MGAM2: variants seen among roughly 807,000 people sequenced by gnomAD.
MGAM2 encodes the protein probable maltase-glucoamylase 2.
Under a neutral mutation model 96.1 loss-of-function variants are expected in MGAM2, and 98 were observed. The ratio of observed to expected loss-of-function variants is 1.02; its 90% CI spans 0.87 to 1.21. The LOEUF (loss-of-function observed/expected upper bound fraction) is 1.21. MGAM2 is among the 50% of genes most tolerant of loss of function. The pLI is 0.00. For synonymous variants in MGAM2, 749 were observed against 414.8 expected (o/e 1.81, Z -9.79); for missense variants, 2,055 against 1,182.4 (o/e 1.74, Z -10.82).
rs180766195 is a variant in MGAM2 at position 142,141,181 on chromosome 7, G to A, written c.1317+62G>A. 110 of 672,532 alleles carry A rather than the reference G, an allele frequency of 1.6e-4. 1 individual carries two copies. The Middle Eastern group carries it at 0.01, about 61-fold the overall frequency. The allele number at this position is 672,532 out of a possible 1,614,324, so 41.7% of individuals were successfully genotyped here. On this transcript the variant is annotated intron_variant, in intron 12 of 47. Coordinates refer to ENST00000477922, the MANE Select transcript of MGAM2 (RefSeq NM_001293626.2). ...TTTTGGGGAGTTGTACTTTTGGTAC[G>A]AAGATGAGTGAAAGGCAAGTTACAA... is the stretch of plus-strand genomic sequence containing the variant.
At chr7:142,200,039 C>A in intron 45 of MGAM2, 71 bp downstream of exon 45, 1 of 559,356 alleles carries the variant, frequency 1.8e-6, no homozygotes, top group Non-Finnish European at 3.2e-6. Flanking sequence ...CGGCATATAA[C>A]TAACATGAAC....
intron 32 of MGAM2, 59 bp from the exon 33 acceptor site, chr7:142,183,207 G>A: frequency 1.5e-6 from 1 of 665,124 alleles, no homozygotes; most frequent in South Asian, 1.6e-5. Context: ...AATTTTTGGA[G>A]AGAAATTTTC....
intron 1 of MGAM2, among the ~76,000 whole-genome samples, chr7:142,114,210 GAAAGAGAGAA>G (rs1563242762): frequency 1.4e-5 from 2 of 138,856 alleles, no homozygotes; most frequent in Non-Finnish European, 3.1e-5. Flanking sequence ...AAGAAAGAAA[GAAAGAGAGAA>G]AGAAAGAAAG....
Position 142,220,145 on chromosome 7 carries a change from T to C in MGAM2, c.5634T>C (p.Pro1878=). The C allele has an allele frequency of 8.5e-6, 6 of 702,804 alleles. No homozygotes were observed. Among genetic ancestry groups the C allele is most frequent in the Non-Finnish European group, 1.6e-5 (6 of 384,914 alleles). 43.5% of individuals were successfully genotyped at this position (702,804 alleles called of 1,614,324 possible). Residue 1878 remains proline, a synonymous_variant, in exon 48 of 48, where the codon CCT becomes CCC. Coordinates refer to ENST00000477922, the MANE Select transcript of MGAM2 (RefSeq NM_001293626.2). ...GTGTTACAACTAATACTACTGTTCC[T>C]GATACAACTTCTCCTTTCCCTACAA... is the stretch of plus-strand genomic sequence containing the variant. The part of the protein sequence containing the change: ...TTSVTTNTTV[P]DTTSPFPTST...
intron 42 of MGAM2, 91 bp from the exon 43 acceptor site, chr7:142,198,048 A>AT: frequency 6.1e-6 from 4 of 650,412 alleles, no homozygotes; most frequent in Non-Finnish European, 8.4e-6. Context: ...TACAATTTTC[A>AT]TTTTTTATCT....
At position 142,215,399 on chromosome 7, in the gene MGAM2, T is replaced by C. The variant is rs559712511; in HGVS notation, c.5188-2962T>C. Reference sequence around the variant, plus strand: ...ATGCAGCAAACCACCATGGCACATGTATACCTATGTAACAAACCTGCATGT... The same window carrying C: ...ATGCAGCAAACCACCATGGCACATGCATACCTATGTAACAAACCTGCATGT... On this transcript the variant is annotated intron_variant, in intron 46 of 47. Coordinates refer to ENST00000477922, the MANE Select transcript of MGAM2 (RefSeq NM_001293626.2). Among the ~76,000 whole-genome samples the C allele has an allele frequency of 5.3e-5, 8 of 151,746 alleles. No individual in the cohort carries two copies. The South Asian group carries it at 1.7e-3, about 32-fold the overall frequency.
chr7:142,161,330 C>A, intron 22 of MGAM2, 117 bp downstream of exon 22: 1 of 536,890 alleles, frequency 1.9e-6, no homozygotes, highest in South Asian at 2.8e-5. Context: ...ACATCTGTAG[C>A]TGAGAATCAA....
In MGAM2 at chr7:142,114,167, AAAG is replaced by A. The variant is rs557404035; in HGVS notation, c.-1+2363_-1+2365del. Among the ~76,000 whole-genome samples the A allele has an allele frequency of 5.5e-5, 6 of 109,568 alleles. 1 individual carries two copies. The Middle Eastern group carries it at 0.012, about 225-fold the overall frequency. The allele number at this position is 109,568 out of a possible 152,430, so 71.9% of individuals were successfully genotyped here. On this transcript the variant is annotated intron_variant, in intron 1 of 47. Coordinates refer to ENST00000477922, the MANE Select transcript of MGAM2 (RefSeq NM_001293626.2). Reference sequence around the variant, plus strand: ...GAAAGAAAGAAGGAAAGAAAGAAAGAAAGAAAGAAAGAAAGAAAGAAAGAAAGA... The same window carrying A: ...GAAAGAAAGAAGGAAAGAAAGAAAGAAAAGAAAGAAAGAAAGAAAGAAAGA...
chr7:142,118,429 T>C (rs148905724), intron 2 of MGAM2, among the ~76,000 whole-genome samples: 87 of 152,276 alleles, frequency 5.7e-4, no homozygotes, highest in African/African-American at 2.0e-3. Context: ...AGTGAATATA[T>C]TTGGGGGCTT....
intron 40 of MGAM2, 56 bp from the exon 41 acceptor site, chr7:142,197,344 C>A: frequency 1.5e-6 from 1 of 684,530 alleles, no homozygotes. Context: ...TTTTCTGATG[C>A]CACTGGGATG....
At chr7:142,169,716 G>GCACACACA (rs144134032) in intron 26 of MGAM2, among the ~76,000 whole-genome samples, 1 of 150,936 alleles carries the variant, frequency 6.6e-6, no homozygotes. Context: ...TAACATGCAT[G>GCACACACA]CACACACACA....
In MGAM2 at chr7:142,171,225, T is replaced by A. The variant is rs750365588; in HGVS notation, c.3183-47T>A. 1.7e-5 allele frequency: 12 copies of A among 701,136 alleles called. No individual in the cohort carries two copies. The South Asian group carries it at 1.8e-4, about 10-fold the overall frequency. The allele number at this position is 701,136 out of a possible 1,614,324, so 43.4% of individuals were successfully genotyped here. On this transcript the variant is annotated intron_variant, in intron 27 of 47. Transcript: ENST00000477922. ...ACATTCCAAACACGTTCCAAGTAGC[T>A]CTGGCCAGTGGTCTCCAGCTCAGCG...
rs550974689 is a variant in MGAM2 at position 142,148,787 on chromosome 7, T to C, written c.1634+1214T>C. ...TTCTTTCCCCCTGTTTTGGTGTTTC[T>C]AGAGCACTGTTGTGCTCTACAAGAC... On this transcript the variant is annotated intron_variant, in intron 15 of 47. Transcript: ENST00000477922. The surrounding 1 kb of genome is among the most constrained non-coding windows in gnomAD (Gnocchi z 4.2). Among the ~76,000 whole-genome samples, 247 of 152,302 alleles carry C rather than the reference T, an allele frequency of 1.6e-3. 2 individuals carry two copies. The highest frequency in any genetic ancestry group is 2.2e-4 in the Non-Finnish European group (15 of 68,024).
intron 1 of MGAM2, among the ~76,000 whole-genome samples, chr7:142,115,321 C>T (rs1817351093): frequency 6.6e-6 from 1 of 152,246 alleles, no homozygotes; most frequent in Admixed American, 6.5e-5. Context: ...GCCTCGGTGG[C>T]ATCTCCCTTG....
At chr7:142,135,632 G>C (rs1359743519) in intron 7 of MGAM2, among the ~76,000 whole-genome samples, 1 of 151,458 alleles carries the variant, frequency 6.6e-6, no homozygotes, top group Non-Finnish European at 1.5e-5. Context: ...CTTATGCTTT[G>C]GCTAAGATGA....
chr7:142,164,778 G>T, intron 23 of MGAM2, 78 bp from the exon 24 acceptor site: 1 of 565,566 alleles, frequency 1.8e-6, no homozygotes, highest in Non-Finnish European at 3.1e-6. Flanking sequence ...CACAGAAATT[G>T]AGACATTGAC....
At chr7:142,121,799 AATTAT>A (rs534887470) in intron 3 of MGAM2, among the ~76,000 whole-genome samples, 133 of 151,760 alleles carry the variant, frequency 8.8e-4, no homozygotes, top group Non-Finnish European at 1.7e-3. Context: ...TTAAGTATAG[AATTAT>A]ATTATAGGAA....
rs147034980 is a variant in MGAM2 at position 142,178,684 on chromosome 7, G to A, written c.3816+2904G>A. Reference sequence around the variant, plus strand: ...TAATTGTAGGTGTGTGATAGTATACGTTGAGGTTGGGTAATGTGATATCTG... The same window carrying A: ...TAATTGTAGGTGTGTGATAGTATACATTGAGGTTGGGTAATGTGATATCTG... On this transcript the variant is annotated intron_variant, in intron 32 of 47. Coordinates refer to ENST00000477922, the MANE Select transcript of MGAM2 (RefSeq NM_001293626.2). Among the ~76,000 whole-genome samples, 254 of 151,900 alleles carry A rather than the reference G, an allele frequency of 1.7e-3. 3 individuals carry two copies. Among genetic ancestry groups the A allele is most frequent in the African/African-American group, 4.8e-3 (199 of 41,492 alleles).
chr7:142,114,157 A>AGAAG (rs1554499545), intron 1 of MGAM2, among the ~76,000 whole-genome samples: 1 of 71,142 alleles, frequency 1.4e-5, no homozygotes, highest in Non-Finnish European at 2.5e-5. Context: ...AAAGAAGGAA[A>AGAAG]GAAAGAAAGA....
Sources: gnomAD v4.1 joint callset for allele counts (sites outside exome capture counted in the v4.1 genomes callset) on GRCh38, gnomAD v4.1.1 for gene constraint, Gnocchi (gnomAD v3.1) non-coding constraint, MANE v1.5 for transcripts, NCBI Gene and HGNC (gene_info 2026-07-23, HGNC 2026-07-21) for gene names.